SMG5: variants seen among roughly 807,000 people sequenced by gnomAD.
SMG5 encodes the protein nonsense-mediated mRNA decay factor SMG5.
SMG5 carries 53 observed loss-of-function variants against 122.9 expected under a neutral mutation model. The observed-to-expected ratio is 0.43, with a 90% CI of 0.35 to 0.54. The LOEUF (loss-of-function observed/expected upper bound fraction) is 0.54, where lower values mean the gene tolerates loss of function less well. SMG5 is among the 20% of genes least tolerant of loss of function. SMG5 has a pLI of 0.01. For synonymous variants in SMG5, 477 were observed against 490.2 expected, an observed-to-expected ratio of 0.97 and a Z score of 0.35; for missense variants, 1,153 against 1,285.6, an observed-to-expected ratio of 0.90 and a Z score of 1.58.
At position 156,268,095 on chromosome 1, in the gene SMG5, T is replaced by G; in HGVS notation, c.908+20A>C. The G allele has an allele frequency of 6.2e-7, 1 of 1,613,326 alleles. No homozygotes were observed. The highest frequency in any genetic ancestry group is 8.5e-7 in the Non-Finnish European group (1 of 1,179,434). On this transcript the variant is annotated intron_variant, in intron 9 of 21. Transcript: ENST00000361813. ...CTGGGGCTCACAGGATAGTTCAGGT[T>G]CATGCTCTCTTCCACTCACCTGCTT... is the stretch of plus-strand genomic sequence containing the variant.
In SMG5 at chr1:156,273,380, C is replaced by G. The variant is rs774143343; in HGVS notation, c.615G>C (p.Leu205=). The G allele has an allele frequency of 3.1e-6, 5 of 1,613,846 alleles. No individual in the cohort carries two copies. Among genetic ancestry groups the G allele is most frequent in the Non-Finnish European group, 4.2e-6 (5 of 1,179,992 alleles). Reference sequence around the variant, plus strand: ...ACTTACCAATCTGAGGAGCTACTGACAGGGCTTGGTAGTAAAATCTCTCGG... The same window carrying G: ...ACTTACCAATCTGAGGAGCTACTGAGAGGGCTTGGTAGTAAAATCTCTCGG... ...LLAERFYYQA[L]SVAPQIGMPF... is the part of the protein sequence containing the mutation. The change falls in exon 6 of 22, where the codon CTG becomes CTC. Residue 205 remains leucine (L), a synonymous_variant. Transcript: ENST00000361813.
At chr1:156,268,500 G>A in intron 7 of SMG5, 85 bp from the exon 8 acceptor site, 1 of 1,540,322 alleles carries the variant, frequency 6.5e-7, no homozygotes, top group Non-Finnish European at 8.8e-7. Flanking sequence ...AATGTTACTA[G>A]TAAATACAGG....
At chr1:156,289,025 G>A in the SMG5 span, among the ~76,000 whole-genome samples, 4 of 152,298 alleles carry the variant, frequency 2.6e-5, no homozygotes, top group Admixed American at 6.5e-5. Flanking sequence ...ATAGTGGCAG[G>A]ACTAGAATCC....
At position 156,273,458 on chromosome 1, in the gene SMG5, A is replaced by G. The variant is rs767958092; in HGVS notation, c.545-8T>C. On this transcript the variant is annotated splice_region_variant and splice_polypyrimidine_tract_variant and intron_variant, in intron 5 of 21. Coordinates refer to ENST00000361813, the MANE Select transcript of SMG5 (RefSeq NM_015327.3). ...ATTCATTCTGATATCGGGCTGCACA[A>G]GAGAGAAAACGAAGGGAAACTCGAT... 6.2e-7 allele frequency: 1 copy of G among 1,613,362 alleles called. No homozygotes were observed. Among genetic ancestry groups the G allele is most frequent in the Non-Finnish European group, 8.5e-7 (1 of 1,179,570 alleles).
At chr1:156,272,458 C>T in intron 6 of SMG5, 60 bp from the exon 7 acceptor site, 7 of 1,397,934 alleles carry the variant, frequency 5.0e-6, no homozygotes, top group South Asian at 1.2e-5. Context: ...AGCTGCCAGG[C>T]CCAACCAATG....
chr1:156,289,344 G>T, the SMG5 span, among the ~76,000 whole-genome samples: 3 of 150,450 alleles, frequency 2.0e-5, no homozygotes, highest in Non-Finnish European at 4.4e-5. Flanking sequence ...TGTGGTGATG[G>T]GCGCCTGTAA....
At chr1:156,262,383 G>A (rs1055998371) in intron 13 of SMG5, among the ~76,000 whole-genome samples, 1 of 151,178 alleles carries the variant, frequency 6.6e-6, no homozygotes, top group African/African-American at 2.4e-5. Context: ...GGCTGAGGTG[G>A]GAGAATGGTA....
chr1:156,256,117 G>C (rs1359774152), intron 16 of SMG5, among the ~76,000 whole-genome samples: 2 of 152,136 alleles, frequency 1.3e-5, no homozygotes, highest in African/African-American at 2.4e-5. Flanking sequence ...AGAGAAAACA[G>C]ACATTAGTGG....
At position 156,276,587 on chromosome 1, in the gene SMG5, G is replaced by C. The variant is rs559693218; in HGVS notation, c.454+498C>G. Reference sequence around the variant, plus strand: ...GAGAGCTGGGTGAAGGAGCTCTAAAGGATGGCTGAACTGAAGAGAAAACTT... The same window carrying C: ...GAGAGCTGGGTGAAGGAGCTCTAAACGATGGCTGAACTGAAGAGAAAACTT... On this transcript the variant is annotated intron_variant, in intron 4 of 21. Coordinates refer to ENST00000361813, the MANE Select transcript of SMG5 (RefSeq NM_015327.3). 5.3e-5 allele frequency among the ~76,000 whole-genome samples: 8 copies of C among 152,314 alleles called. No individual in the cohort carries two copies. The East Asian group carries it at 1.3e-3, about 26-fold the overall frequency.
intron 14 of SMG5, 58 bp downstream of exon 14, chr1:156,261,275 G>A (rs1661811382): frequency 1.3e-6 from 2 of 1,535,740 alleles, no homozygotes; most frequent in African/African-American, 1.4e-5. Flanking sequence ...GGGGAGATGG[G>A]CTTAGTGGGG....
In SMG5 at chr1:156,268,075, G is replaced by C; in HGVS notation, c.908+40C>G. 4 of 1,599,518 alleles carry C rather than the reference G, an allele frequency of 2.5e-6. No homozygotes were observed. In the South Asian group the frequency reaches 4.4e-5, roughly 18 times the overall value. ...CCTTCTGTAAAGCATCATGGCTGGG[G>C]CTCACAGGATAGTTCAGGTTCATGC... On this transcript the variant is annotated intron_variant, in intron 9 of 21. Coordinates refer to ENST00000361813, the MANE Select transcript of SMG5 (RefSeq NM_015327.3).
chr1:156,265,891 C>A lies in SMG5; in HGVS notation c.1745G>T (p.Arg582Leu). 5.0e-6 allele frequency: 8 copies of A among 1,614,068 alleles called. No homozygotes were observed. The highest frequency in any genetic ancestry group is 6.8e-6 in the Non-Finnish European group (8 of 1,180,012). Residue 582 changes from arginine (R) to leucine (L), a missense_variant, in exon 12 of 22, where the codon CGA becomes CTA. By Grantham distance (102) the Arg-to-Leu change is moderately radical. Around this residue, in one of 5 missense-constraint regions of SMG5, gnomAD observed 631 missense variants for 650.6 expected, o/e 0.97. Coordinates refer to ENST00000361813, the MANE Select transcript of SMG5 (RefSeq NM_015327.3). ...TQMFQTKRCF[R>L]LAPTFSNLLL... ...CAGGTTGCTAAAGGTGGGGGCCAGTCGGAAGCAGCGCTTAGTCTGGAACAT... is the reference window on the plus strand; with the variant it reads ...CAGGTTGCTAAAGGTGGGGGCCAGTAGGAAGCAGCGCTTAGTCTGGAACAT...
upstream of SMG5, chr1:156,286,177 C>T (rs1663154027): frequency 3.2e-5 from 47 of 1,454,434 alleles, 1 homozygote; most frequent in South Asian, 2.1e-4. Context: ...GCACTGCCCA[C>T]AGTGAATCTG....
chr1:156,251,328 C>G (rs1313053484), intron 20 of SMG5, 75 bp downstream of exon 20: 2 of 1,529,028 alleles, frequency 1.3e-6, no homozygotes, highest in African/African-American at 1.4e-5. Context: ...CAGCCCTACC[C>G]GTTCTCCCTA....
chr1:156,277,329 C>A, intron 3 of SMG5, 88 bp from the exon 4 acceptor site: 1 of 1,427,482 alleles, frequency 7.0e-7, no homozygotes, highest in Non-Finnish European at 9.5e-7. Context: ...TCACTTGGCT[C>A]TGGAACTTCA....
chr1:156,291,089 C>T, the SMG5 span: 1 of 359,324 alleles, frequency 2.8e-6, no homozygotes, highest in Non-Finnish European at 5.2e-6. Context: ...AGACTGGCAA[C>T]ATAGCAAGAC....
intron 2 of SMG5, among the ~76,000 whole-genome samples, chr1:156,278,432 A>T (rs557569907): frequency 6.7e-6 from 1 of 149,032 alleles, no homozygotes; most frequent in South Asian, 2.1e-4. Context: ...TGGCGGGATC[A>T]TAGCACCATA....
At position 156,277,265 on chromosome 1, in the gene SMG5, G is replaced by C. The variant is rs367567013; in HGVS notation, c.298-24C>G. The stretch of plus-strand genomic sequence containing the variant: ...TGCTACAGATTGCGAAAGGGAAGGG[G>C]CTGGTTAAGCAATAAACTCAGAGTC... On this transcript the variant is annotated intron_variant, in intron 3 of 21. Coordinates refer to ENST00000361813, the MANE Select transcript of SMG5 (RefSeq NM_015327.3). The C allele has an allele frequency of 9.8e-5, 157 of 1,607,526 alleles. 1 individual carries two copies. Among genetic ancestry groups the C allele is most frequent in the South Asian group, 7.8e-4 (70 of 90,260 alleles).
At position 156,259,183 on chromosome 1, in the gene SMG5, C is replaced by T; in HGVS notation, c.2284-20G>A. ...CACTGACTGTGGGGAGATACAGGAG[C>T]CCAGCGCTGCTGAGCAGGGCCCTCT... On this transcript the variant is annotated intron_variant, in intron 15 of 21. Coordinates refer to ENST00000361813, the MANE Select transcript of SMG5 (RefSeq NM_015327.3). The T allele has an allele frequency of 1.9e-6, 3 of 1,546,434 alleles. No homozygotes were observed. The highest frequency in any genetic ancestry group is 1.3e-5 in the South Asian group (1 of 79,902).
Sources: allele counts gnomAD v4.1 joint callset (sites outside exome capture counted in the v4.1 genomes callset), GRCh38; gene constraint gnomAD v4.1.1; regional missense constraint gnomAD v4.1.1; transcripts MANE v1.5; gene names NCBI Gene and HGNC (gene_info 2026-07-23, HGNC 2026-07-21).